Variants in GRM7 observed in about 807,000 individuals in gnomAD.
The protein encoded by GRM7 is glutamate metabotropic receptor 7.
GRM7 carries 35 observed loss-of-function variants against 84.5 expected under a neutral mutation model. That is an observed-to-expected ratio of 0.41 (90% CI 0.32 to 0.55). The LOEUF is 0.55. Ranked by LOEUF, GRM7 falls within the 20% of genes least tolerant of loss-of-function variation. The pLI, the probability that GRM7 is intolerant of heterozygous loss-of-function variation, is 0.19. For synonymous variants in GRM7, 487 were observed against 455.1 expected (o/e 1.07, Z -0.89); for missense variants, 1,003 against 1,194.6 (o/e 0.84, Z 2.36).
chr3:7,282,029 G>T (rs542158121), intron 2 of GRM7, among the ~76,000 whole-genome samples: 36 of 152,298 alleles, frequency 2.4e-4, no homozygotes, highest in South Asian at 6.2e-4. Context: ...GTTGCAGTGA[G>T]CAGAGATTGC....
At chr3:7,554,474 A>G (rs1240655581) in intron 7 of GRM7, among the ~76,000 whole-genome samples, 1 of 152,212 alleles carries the variant, frequency 6.6e-6, no homozygotes, top group Non-Finnish European at 1.5e-5. Flanking sequence ...GACAACATCG[A>G]ATGAGTAATG....
intron 7 of GRM7, among the ~76,000 whole-genome samples, chr3:7,469,371 A>T (rs1698601336): frequency 6.6e-6 from 1 of 152,338 alleles, no homozygotes; most frequent in Non-Finnish European, 1.5e-5. Context: ...CAGTCAGAAG[A>T]AAAGGAGGGA....
intron 4 of GRM7, among the ~76,000 whole-genome samples, chr3:7,308,577 G>T (rs1375485774): frequency 7.2e-5 from 11 of 152,168 alleles, no homozygotes; most frequent in Admixed American, 1.3e-4. Flanking sequence ...ATTGCAAAGG[G>T]TCTTGAAAAC....
chr3:7,272,446 A>G (rs1051770579), intron 2 of GRM7, among the ~76,000 whole-genome samples: 1 of 152,220 alleles, frequency 6.6e-6, no homozygotes, highest in Non-Finnish European at 1.5e-5. Context: ...GATTGTTTGC[A>G]GAAAATTACA....
chr3:7,233,939 T>C (rs1697271130), intron 2 of GRM7, among the ~76,000 whole-genome samples: 1 of 152,130 alleles, frequency 6.6e-6, no homozygotes, highest in Non-Finnish European at 1.5e-5. Flanking sequence ...GAGTAACTTA[T>C]TATATCCTAA....
At position 7,408,646 on chromosome 3, in the gene GRM7, A is replaced by G. The variant is rs141836412; in HGVS notation, c.1034-6377A>G. 9.8e-5 allele frequency among the ~76,000 whole-genome samples: 15 copies of G among 152,316 alleles called. No homozygotes were observed. In the East Asian group the frequency reaches 2.5e-3, roughly 26 times the overall value. ...TGAGTCCCTGGCCTCCAGGACCTCAAAGATTCTCAAGAGAGGCAGACAAGA... is the reference window on the plus strand; with the variant it reads ...TGAGTCCCTGGCCTCCAGGACCTCAGAGATTCTCAAGAGAGGCAGACAAGA... On this transcript the variant is annotated intron_variant, in intron 4 of 9. Transcript: ENST00000357716.
chr3:6,930,998 C>T (rs896216580), intron 1 of GRM7, among the ~76,000 whole-genome samples: 3 of 152,186 alleles, frequency 2.0e-5, no homozygotes, highest in Non-Finnish European at 4.4e-5. Flanking sequence ...ACTGTCATTA[C>T]CTCCACACTC....
At chr3:6,949,360 CT>C (rs1692607832) in intron 1 of GRM7, among the ~76,000 whole-genome samples, 1 of 152,076 alleles carries the variant, frequency 6.6e-6, no homozygotes, top group African/African-American at 2.4e-5. Context: ...AAATTCTTTT[CT>C]TTAGGAATAT....
intron 4 of GRM7, among the ~76,000 whole-genome samples, chr3:7,307,350 G>A (rs56209862): frequency 0.47 from 71,577 of 150,872 alleles, 18,542 homozygotes; most frequent in Non-Finnish European, 0.6. Flanking sequence ...AAAAGAAGAC[G>A]CTGTGTAAAA....
chr3:7,310,104 A>G (rs1389612629), intron 4 of GRM7, among the ~76,000 whole-genome samples: 2 of 152,174 alleles, frequency 1.3e-5, no homozygotes, highest in Admixed American at 6.6e-5. Flanking sequence ...TGCTTCTCTG[A>G]AAGGAGGCTG....
At chr3:6,958,236 AG>A (rs917534408) in intron 1 of GRM7, among the ~76,000 whole-genome samples, 5 of 76,838 alleles carry the variant, frequency 6.5e-5, no homozygotes, top group African/African-American at 4.6e-4. Flanking sequence ...AAATGGTATC[AG>A]GCTTTTTTTT....
rs193297761 is a variant in GRM7, at chr3:7,080,875, T to C, written c.520-65577T>C. On this transcript the variant is annotated intron_variant, in intron 1 of 9. Coordinates refer to ENST00000357716, the MANE Select transcript of GRM7 (RefSeq NM_000844.4). ...TACTTAGATAAGGCCTGATATATCATTGATGCTCAAAATATTTAGCAAATG... is the reference window on the plus strand; with the variant it reads ...TACTTAGATAAGGCCTGATATATCACTGATGCTCAAAATATTTAGCAAATG... Among the ~76,000 whole-genome samples, 262 of 152,146 alleles carry C rather than the reference T, an allele frequency of 1.7e-3. 1 individual carries two copies. Among genetic ancestry groups the C allele is most frequent in the African/African-American group, 5.5e-3 (227 of 41,540 alleles).
intron 1 of GRM7, among the ~76,000 whole-genome samples, chr3:7,020,800 C>T (rs1695750107): frequency 6.6e-6 from 1 of 152,108 alleles, no homozygotes; most frequent in Non-Finnish European, 1.5e-5. Flanking sequence ...CAATCCTCTA[C>T]TTACTGGGCA....
chr3:7,120,836 A>G (rs1693193099), intron 1 of GRM7, among the ~76,000 whole-genome samples: 1 of 152,126 alleles, frequency 6.6e-6, no homozygotes, highest in Non-Finnish European at 1.5e-5. Flanking sequence ...TTTCTGGAGA[A>G]TAGTTTTTAT....
intron 5 of GRM7, among the ~76,000 whole-genome samples, chr3:7,431,826 C>G (rs1422832954): frequency 1.3e-5 from 2 of 152,124 alleles, no homozygotes; most frequent in African/African-American, 4.8e-5. Flanking sequence ...TATGGGAGTA[C>G]CAACAGATGT....
At chr3:7,341,486 T>A (rs981833265) in intron 4 of GRM7, among the ~76,000 whole-genome samples, 3 of 152,022 alleles carry the variant, frequency 2.0e-5, no homozygotes. Flanking sequence ...TTATGAGCCT[T>A]TGCAATCCCA....
chr3:7,731,098 G>A (rs983680643), intron 9 of GRM7, among the ~76,000 whole-genome samples: 2 of 146,986 alleles, frequency 1.4e-5, no homozygotes, highest in Non-Finnish European at 3.0e-5. Flanking sequence ...TTTTTTTTAA[G>A]AGACACTAGA....
At chr3:7,303,400 T>C (rs191280604) in intron 3 of GRM7, among the ~76,000 whole-genome samples, 4 of 152,304 alleles carry the variant, frequency 2.6e-5, no homozygotes, top group Admixed American at 2.0e-4. Context: ...TTTCTTCTGG[T>C]TTTATCTGCA....
chr3:7,452,636 T>G lies in GRM7; in HGVS notation c.1204T>G (p.Tyr402Asp). ...GQERIGKDSN[Y>D]EQEGKVQFVI... The stretch of plus-strand genomic sequence containing the variant: ...GGAGAGAATTGGAAAAGATTCCAAC[T>G]ATGAGCAGGAGGGTAAAGTCCAGTT... Residue 402 changes from tyrosine to aspartate, a missense_variant, in exon 6 of 10, where the codon TAT becomes GAT. Tyr to Asp is a radical substitution (Grantham distance 160, BLOSUM62 -3). This residue lies in a region of GRM7 where 910 missense variants were observed against 1,126.0 expected (regional missense o/e 0.81). Coordinates refer to ENST00000357716, the MANE Select transcript of GRM7 (RefSeq NM_000844.4). 6.2e-7 allele frequency: 1 copy of G among 1,612,498 alleles called. No homozygotes were observed. The highest frequency in any genetic ancestry group is 8.5e-7 in the Non-Finnish European group (1 of 1,178,662).
Sources: gnomAD v4.1 joint callset for allele counts (sites outside exome capture counted in the v4.1 genomes callset) on GRCh38, gnomAD v4.1.1 for gene constraint, gnomAD v4.1.1 regional missense constraint, MANE v1.5 for transcripts, NCBI Gene and HGNC (gene_info 2026-07-23, HGNC 2026-07-21) for gene names.